The following RPA2 variants were observed in gnomAD, a reference collection of about 807,000 sequenced individuals.
RPA2 encodes replication protein A2, also known as replication protein A 32 kDa subunit.
In RPA2, 22 loss-of-function variants were observed where a neutral mutation model predicts 33.4. That is an observed-to-expected ratio of 0.66 (90% CI 0.47 to 0.94). The LOEUF is 0.94. Ranked by LOEUF, RPA2 falls within the 40% of genes least tolerant of loss-of-function variation. RPA2 has a pLI of 0.00. For synonymous variants in RPA2, 109 were observed against 114.9 expected (o/e 0.95, Z 0.33); for missense variants, 279 against 329.9 (o/e 0.85, Z 1.19).
intron 2 of RPA2, among the ~76,000 whole-genome samples, chr1:27,911,484 T>C (rs180733674): frequency 1.4e-3 from 213 of 152,268 alleles, no homozygotes; most frequent in African/African-American, 4.9e-3. Context: ...ATAACCAGAA[T>C]GGAGAAAAAT....
At chr1:27,898,244 T>C (rs1297198657) in intron 4 of RPA2, among the ~76,000 whole-genome samples, 1 of 152,182 alleles carries the variant, frequency 6.6e-6, no homozygotes, top group Non-Finnish European at 1.5e-5. Flanking sequence ...AGAACATGCA[T>C]TAAGATTTAG....
chr1:27,912,119 A>G (rs1321064394), intron 2 of RPA2, among the ~76,000 whole-genome samples: 1 of 152,098 alleles, frequency 6.6e-6, no homozygotes, highest in East Asian at 1.9e-4. Flanking sequence ...GAAAGTTATA[A>G]AGCAATGTCC....
intron 5 of RPA2, 41 bp downstream of exon 5, chr1:27,897,592 C>A: frequency 6.8e-7 from 1 of 1,464,668 alleles, no homozygotes; most frequent in South Asian, 1.3e-5. Flanking sequence ...GAAACTGCTT[C>A]ATGCAAAAAC....
At chr1:27,911,211 C>CAA (rs202156200) in intron 2 of RPA2, among the ~76,000 whole-genome samples, 2 of 146,452 alleles carry the variant, frequency 1.4e-5, no homozygotes, top group African/African-American at 5.0e-5. Flanking sequence ...GAGACTGTCT[C>CAA]AAAAAAAAAA....
At position 27,891,757 on chromosome 1, in the gene RPA2, G is replaced by A. The variant is rs2089825893; in HGVS notation, c.*406C>T. The A allele has an allele frequency of 2.5e-5, 4 of 160,904 alleles. No individual in the cohort carries two copies. Among genetic ancestry groups the A allele is most frequent in the Admixed American group, 1.3e-4 (2 of 15,752 alleles). The allele number at this position is 160,904 out of a possible 1,614,324, so 10.0% of individuals were successfully genotyped here. On this transcript the variant is annotated 3_prime_UTR_variant, in exon 9 of 9. Coordinates refer to ENST00000373912, the MANE Select transcript of RPA2 (RefSeq NM_002946.5). Reference sequence around the variant, plus strand: ...AAGTGGGAAATGAAAACAGGCAGAGGCCAGCAGGTTTCTCGGCTAGGGCTC... The same window carrying A: ...AAGTGGGAAATGAAAACAGGCAGAGACCAGCAGGTTTCTCGGCTAGGGCTC...
chr1:27,912,286 G>A (rs745943994), intron 2 of RPA2, among the ~76,000 whole-genome samples: 2 of 151,854 alleles, frequency 1.3e-5, no homozygotes, highest in Non-Finnish European at 2.9e-5. Flanking sequence ...GCTCACACCT[G>A]TAATCTCAGC....
chr1:27,905,505 G>A (rs565450775), intron 4 of RPA2, among the ~76,000 whole-genome samples: 2 of 152,168 alleles, frequency 1.3e-5, no homozygotes, highest in African/African-American at 4.8e-5. Flanking sequence ...TGGCCAGGCT[G>A]GATTCGAACT....
chr1:27,907,332 C>G (rs747328560), intron 2 of RPA2, 50 bp from the exon 3 acceptor site: 1 of 1,398,082 alleles, frequency 7.2e-7, no homozygotes, highest in Non-Finnish European at 1.0e-6. Flanking sequence ...ATAACTACCA[C>G]TCATTCAACA....
chr1:27,896,623 C>T (rs192405828), intron 6 of RPA2, among the ~76,000 whole-genome samples: 52 of 152,216 alleles, frequency 3.4e-4, no homozygotes, highest in Admixed American at 5.9e-4. Context: ...ATAATTTTTC[C>T]TACTTAGCCA....
At chr1:27,911,024 T>C (rs931403221) in intron 2 of RPA2, among the ~76,000 whole-genome samples, 6 of 152,070 alleles carry the variant, frequency 3.9e-5, no homozygotes, top group Non-Finnish European at 7.3e-5. Context: ...GAGACCAGCC[T>C]GACCAACGTG....
chr1:27,900,458 ATT>A (rs59692684), intron 4 of RPA2, among the ~76,000 whole-genome samples: 25 of 140,342 alleles, frequency 1.8e-4, no homozygotes, highest in East Asian at 2.1e-4. Context: ...GCTGCTTAAG[ATT>A]TTTTTTTTTT....
intron 8 of RPA2, 101 bp downstream of exon 8, chr1:27,893,911 C>T: frequency 9.9e-7 from 1 of 1,008,944 alleles, no homozygotes; most frequent in Non-Finnish European, 1.5e-6. Flanking sequence ...GCCCGGCTGC[C>T]AAGTTTTACT....
At chr1:27,893,278 C>A (rs573897344) in intron 8 of RPA2, among the ~76,000 whole-genome samples, 8 of 152,088 alleles carry the variant, frequency 5.3e-5, no homozygotes, top group Non-Finnish European at 8.8e-5. Flanking sequence ...CATAGCTGAA[C>A]GATTTCCATT....
chr1:27,907,073 AG>A, intron 3 of RPA2, 32 bp from the exon 4 acceptor site: 1 of 1,539,732 alleles, frequency 6.5e-7, no homozygotes, highest in Non-Finnish European at 8.8e-7. Flanking sequence ...AAAAAAAAAA[AG>A]GTCTGGTTCC....
chr1:27,914,400 C>T, intron 1 of RPA2, 34 bp downstream of exon 1: 1 of 1,612,950 alleles, frequency 6.2e-7, no homozygotes, highest in East Asian at 2.2e-5. Context: ...TCCTGCGATT[C>T]TCTTCCTCCT....
chr1:27,907,506 T>C (rs373150909), intron 2 of RPA2, among the ~76,000 whole-genome samples: 2 of 152,312 alleles, frequency 1.3e-5, no homozygotes, highest in East Asian at 3.9e-4. Context: ...TCCTGCTGAA[T>C]AGATACACAT....
chr1:27,913,803 A>G (rs937433152), intron 2 of RPA2, among the ~76,000 whole-genome samples: 3 of 152,146 alleles, frequency 2.0e-5, no homozygotes, highest in Admixed American at 2.0e-4. Flanking sequence ...CGTTCACACA[A>G]GACTGATTCA....
intron 2 of RPA2, among the ~76,000 whole-genome samples, chr1:27,908,248 T>C (rs561776125): frequency 5.7e-4 from 87 of 152,040 alleles, no homozygotes; most frequent in African/African-American, 2.0e-3. Flanking sequence ...TATAGTCTCC[T>C]GAGTAGCTGG....
Position 27,914,329 on chromosome 1 carries a change from G to A in RPA2, c.10+105C>T, listed in dbSNP as rs1298162070. On this transcript the variant is annotated intron_variant, in intron 1 of 8. Coordinates refer to ENST00000373912, the MANE Select transcript of RPA2 (RefSeq NM_002946.5). ...CCCCAAACGCCCCAGCTCCGCTCCC[G>A]CCCTTCCTCTCCCGCTACCACACGC... The A allele has an allele frequency of 3.7e-6, 6 of 1,612,634 alleles. No homozygotes were observed. The Admixed American group carries it at 5.0e-5, about 14-fold the overall frequency.
Sources: gnomAD v4.1 joint callset for allele counts (sites outside exome capture counted in the v4.1 genomes callset) on GRCh38, gnomAD v4.1.1 for gene constraint, MANE v1.5 for transcripts, NCBI Gene and HGNC (gene_info 2026-07-23, HGNC 2026-07-21) for gene names.